The following VTI1A variants were observed in gnomAD, a reference collection of about 807,000 sequenced individuals.
VTI1A encodes the protein vesicle transport through interaction with t-SNAREs homolog 1A.
VTI1A carries 22 observed loss-of-function variants against 34.9 expected under a neutral mutation model. The observed-to-expected ratio is 0.63, with a 90% confidence interval of 0.45 to 0.90. The LOEUF is 0.90. VTI1A is among the 40% of genes least tolerant of loss of function. The pLI is 0.00. For missense variants in VTI1A, 268 were observed against 275.6 expected, an observed-to-expected ratio of 0.97 and a Z score of 0.20; for synonymous variants, 87 against 97.3, an observed-to-expected ratio of 0.89 and a Z score of 0.62.
At position 112,717,958 on chromosome 10, in the gene VTI1A, G is replaced by A. The variant is rs377520598; in HGVS notation, c.560+48960G>A. On this transcript the variant is annotated intron_variant, in intron 7 of 7. Coordinates refer to ENST00000393077, the MANE Select transcript of VTI1A (RefSeq NM_145206.4). ...AAATTAATTTACTCATTACGGTGTC[G>A]CCCACAACCTTCCTTGCTCCCTTCC... 5.9e-5 allele frequency among the ~76,000 whole-genome samples: 9 copies of A among 151,922 alleles called. No homozygotes were observed. In the South Asian group the frequency reaches 8.3e-4, roughly 14 times the overall value.
At chr10:112,508,821 G>A (rs1182818925) in intron 3 of VTI1A, among the ~76,000 whole-genome samples, 2 of 152,142 alleles carry the variant, frequency 1.3e-5, no homozygotes, top group African/African-American at 4.8e-5. Flanking sequence ...CTCCTGTAGG[G>A]ACAGAGCCAA....
intron 7 of VTI1A, among the ~76,000 whole-genome samples, chr10:112,810,073 T>A (rs1164416442): frequency 6.6e-6 from 1 of 151,190 alleles, no homozygotes; most frequent in Non-Finnish European, 1.5e-5. Flanking sequence ...TAAGTTAAAG[T>A]CCAAAGAAAG....
intron 5 of VTI1A, among the ~76,000 whole-genome samples, chr10:112,624,326 G>T (rs1231213649): frequency 6.6e-6 from 1 of 152,154 alleles, no homozygotes; most frequent in Non-Finnish European, 1.5e-5. Context: ...GAGCCATTGT[G>T]TCTCCTTGTT....
At chr10:112,564,987 G>A (rs1055814525) in intron 5 of VTI1A, among the ~76,000 whole-genome samples, 2 of 152,006 alleles carry the variant, frequency 1.3e-5, no homozygotes, top group Non-Finnish European at 2.9e-5. Context: ...TAAAAAAAGT[G>A]GTGGGAGCTG....
intron 5 of VTI1A, among the ~76,000 whole-genome samples, chr10:112,667,143 A>T (rs1266983355): frequency 6.6e-6 from 1 of 152,166 alleles, no homozygotes; most frequent in Non-Finnish European, 1.5e-5. Context: ...TCTTACTAAC[A>T]TCATTAAATT....
chr10:112,511,208 T>G (rs956685655), intron 3 of VTI1A, among the ~76,000 whole-genome samples: 1 of 152,182 alleles, frequency 6.6e-6, no homozygotes, highest in South Asian at 2.1e-4. Flanking sequence ...GCTTATTTAT[T>G]TATTTAATCT....
At chr10:112,475,601 G>A (rs1443854287) in intron 3 of VTI1A, among the ~76,000 whole-genome samples, 4 of 151,578 alleles carry the variant, frequency 2.6e-5, no homozygotes, top group African/African-American at 9.8e-5. Flanking sequence ...CTTTATATAT[G>A]TATATAGTTT....
the VTI1A span, among the ~76,000 whole-genome samples, chr10:112,841,456 C>G: frequency 6.6e-6 from 1 of 152,124 alleles, no homozygotes; most frequent in African/African-American, 2.4e-5. Flanking sequence ...GGCTTTCAGG[C>G]AGTTTGGATA....
intron 5 of VTI1A, among the ~76,000 whole-genome samples, chr10:112,617,946 C>A (rs868813592): frequency 6.6e-6 from 1 of 151,978 alleles, no homozygotes; most frequent in African/African-American, 2.4e-5. Context: ...CCGAGGTCAG[C>A]GGTTCGAGAC....
rs1853568372 is a variant in VTI1A at position 112,817,836 on chromosome 10, TG to T, written c.*2454del. ...TCAAGTTGGGAGCCCTTGTTAAAAA[TG>T]ATGTTTAAGGGAGTGGTTGGGGGGA... On this transcript the variant is annotated 3_prime_UTR_variant, in exon 8 of 8. Coordinates refer to ENST00000393077, the MANE Select transcript of VTI1A (RefSeq NM_145206.4). The T allele has an allele frequency of 4.3e-6, 1 of 232,730 alleles. No homozygotes were observed. The highest frequency in any genetic ancestry group is 5.6e-5 in the Admixed American group (1 of 17,744). The allele number at this position is 232,730 out of a possible 1,614,324, so 14.4% of individuals were successfully genotyped here. A position where few individuals can be genotyped will look rare whatever the true frequency, so the allele number is the denominator to read the frequency against.
chr10:112,471,561 C>G (rs1028762588), intron 3 of VTI1A, among the ~76,000 whole-genome samples: 2 of 151,994 alleles, frequency 1.3e-5, no homozygotes, highest in Non-Finnish European at 2.9e-5. Context: ...GAGCCAGAAT[C>G]AGAATCGAGT....
intron 7 of VTI1A, among the ~76,000 whole-genome samples, chr10:112,782,921 C>T (rs140061585): frequency 3.9e-5 from 6 of 152,180 alleles, no homozygotes; most frequent in African/African-American, 7.2e-5. Context: ...CTGTAGTGTT[C>T]GTGGAACTGG....
At chr10:112,567,991 G>C (rs1166305582) in intron 5 of VTI1A, among the ~76,000 whole-genome samples, 1 of 152,022 alleles carries the variant, frequency 6.6e-6, no homozygotes, top group Admixed American at 6.6e-5. Flanking sequence ...ATCGATTTTC[G>C]GTACTTGGCA....
intron 7 of VTI1A, among the ~76,000 whole-genome samples, chr10:112,749,621 C>T (rs1294461856): frequency 6.6e-6 from 1 of 152,152 alleles, no homozygotes; most frequent in African/African-American, 2.4e-5. Flanking sequence ...GGCAGAGCTA[C>T]TTAGTAAAGT....
intron 3 of VTI1A, among the ~76,000 whole-genome samples, chr10:112,504,478 A>C (rs1343274918): frequency 6.6e-6 from 1 of 150,796 alleles, no homozygotes; most frequent in African/African-American, 2.4e-5. Flanking sequence ...TTTCCATATC[A>C]ATATGTAAAG....
At chr10:112,560,299 CT>C (rs34032810) in intron 5 of VTI1A, among the ~76,000 whole-genome samples, 1 of 151,886 alleles carries the variant, frequency 6.6e-6, no homozygotes, top group Non-Finnish European at 1.5e-5. Context: ...CCAGAAATAC[CT>C]TTTTTTAAAA....
chr10:112,530,639 G>T (rs555694044), intron 4 of VTI1A, among the ~76,000 whole-genome samples: 5 of 152,256 alleles, frequency 3.3e-5, no homozygotes, highest in South Asian at 2.1e-4. Context: ...CAAATGTGGG[G>T]AAAGTTTTGT....
At chr10:112,566,017 A>G (rs1851893065) in intron 5 of VTI1A, among the ~76,000 whole-genome samples, 1 of 152,090 alleles carries the variant, frequency 6.6e-6, no homozygotes, top group Non-Finnish European at 1.5e-5. Flanking sequence ...AAAATTTATT[A>G]TAATTTAAAA....
intron 1 of VTI1A, among the ~76,000 whole-genome samples, chr10:112,459,944 G>C (rs1269200481): frequency 6.6e-6 from 1 of 152,120 alleles, no homozygotes; most frequent in Non-Finnish European, 1.5e-5. Flanking sequence ...AGAGTACAGA[G>C]TGAGTCTCAG....
Sources: gnomAD v4.1 joint callset for allele counts (sites outside exome capture counted in the v4.1 genomes callset) on GRCh38, gnomAD v4.1.1 for gene constraint, MANE v1.5 for transcripts, NCBI Gene and HGNC (gene_info 2026-07-23, HGNC 2026-07-21) for gene names.